KLF12: variants seen among roughly 807,000 people sequenced by gnomAD.
KLF12 encodes KLF transcription factor 12.
KLF12 carries 9 observed loss-of-function variants against 37.8 expected under a neutral mutation model. The observed-to-expected ratio is 0.24, with a 90% CI of 0.14 to 0.42. KLF12 has a LOEUF of 0.42. Ranked by LOEUF, KLF12 falls within the 10% of genes least tolerant of loss-of-function variation. The pLI is 1.00. For missense variants in KLF12, 411 were observed against 516.0 expected (o/e 0.80, Z 1.97); for synonymous variants, 208 against 202.1 (o/e 1.03, Z -0.25).
intron 6 of KLF12, among the ~76,000 whole-genome samples, chr13:73,724,125 A>T (rs11838624): frequency 2.0e-5 from 3 of 152,136 alleles, no homozygotes; most frequent in Non-Finnish European, 4.4e-5. Flanking sequence ...ACAATAGCAG[A>T]GACTTGGAAC....
intron 3 of KLF12, among the ~76,000 whole-genome samples, chr13:73,848,841 A>G (rs1000125904): frequency 3.3e-5 from 5 of 152,120 alleles, no homozygotes; most frequent in African/African-American, 1.2e-4. Context: ...TGAATTTGTA[A>G]AATCACAGAG....
the KLF12 span, among the ~76,000 whole-genome samples, chr13:74,178,782 G>A: frequency 6.6e-6 from 1 of 152,120 alleles, no homozygotes; most frequent in Admixed American, 6.5e-5. Context: ...CCCTTTGTCA[G>A]GGGGAGTTTT....
Position 73,911,599 on chromosome 13 carries a change from T to C in KLF12, c.123+32382A>G, listed in dbSNP as rs944113007. The stretch of plus-strand genomic sequence containing the variant: ...GGTTTAGAAGTTCACAGAAAGGTTC[T>C]TGAATAAATGCATATGCAGTGAATT... On this transcript the variant is annotated intron_variant, in intron 3 of 7. Coordinates refer to ENST00000377669, the MANE Select transcript of KLF12 (RefSeq NM_007249.5). Among the ~76,000 whole-genome samples the C allele has an allele frequency of 3.9e-5, 6 of 152,218 alleles. No homozygotes were observed. In the East Asian group the frequency reaches 5.8e-4, roughly 15 times the overall value.
chr13:74,272,429 C>T, the KLF12 span, among the ~76,000 whole-genome samples: 5 of 152,192 alleles, frequency 3.3e-5, no homozygotes, highest in East Asian at 1.9e-4. Context: ...ATTGAGAACC[C>T]GCAGTGCTAC....
At chr13:74,145,367 T>C in the KLF12 span, among the ~76,000 whole-genome samples, 1 of 152,234 alleles carries the variant, frequency 6.6e-6, no homozygotes, top group African/African-American at 2.4e-5. Flanking sequence ...TGATACAATT[T>C]GCTATTAGCA....
At chr13:74,139,287 C>T in the KLF12 span, among the ~76,000 whole-genome samples, 36,242 of 152,160 alleles carry the variant, frequency 0.24, 6,003 homozygotes, top group African/African-American at 0.47. Flanking sequence ...TGTAACCCCT[C>T]TCAGAACAAG....
chr13:73,894,062 A>C (rs1450570644), intron 3 of KLF12, among the ~76,000 whole-genome samples: 1 of 152,158 alleles, frequency 6.6e-6, no homozygotes, highest in Non-Finnish European at 1.5e-5. Context: ...AGTGAGAGAC[A>C]GGGGAAGATG....
the KLF12 span, among the ~76,000 whole-genome samples, chr13:74,205,172 A>G: frequency 6.6e-6 from 1 of 152,146 alleles, no homozygotes; most frequent in Non-Finnish European, 1.5e-5. Context: ...AAATTCCCTA[A>G]GGACATAGAC....
At chr13:74,170,742 T>C in the KLF12 span, among the ~76,000 whole-genome samples, 1 of 152,222 alleles carries the variant, frequency 6.6e-6, no homozygotes, top group African/African-American at 2.4e-5. Flanking sequence ...AATAAATGAA[T>C]GAATAATTTG....
the KLF12 span, among the ~76,000 whole-genome samples, chr13:74,277,410 T>A: frequency 6.6e-6 from 1 of 152,178 alleles, no homozygotes; most frequent in East Asian, 1.9e-4. Context: ...AATCTCTTTA[T>A]GTCTTCCCTG....
intron 3 of KLF12, among the ~76,000 whole-genome samples, chr13:73,934,042 A>G (rs1194350778): frequency 6.6e-6 from 1 of 152,142 alleles, no homozygotes; most frequent in Non-Finnish European, 1.5e-5. Context: ...CTACTGTCGA[A>G]GATTTTGACT....
chr13:73,813,969 G>T (rs2138442521), intron 4 of KLF12, among the ~76,000 whole-genome samples: 1 of 152,288 alleles, frequency 6.6e-6, no homozygotes. Flanking sequence ...TGCCAAAGCA[G>T]GAAACGGCAC....
chr13:74,227,414 G>T, the KLF12 span, among the ~76,000 whole-genome samples: 1 of 152,170 alleles, frequency 6.6e-6, no homozygotes, highest in African/African-American at 2.4e-5. Context: ...ATTGAATCAT[G>T]CAGCCTCTTA....
intron 1 of KLF12, among the ~76,000 whole-genome samples, chr13:74,016,313 C>A (rs1054216628): frequency 1.3e-5 from 2 of 151,934 alleles, no homozygotes; most frequent in Admixed American, 1.3e-4. Flanking sequence ...GGCAAAAAGA[C>A]AATGTGAAGA....
chr13:73,993,790 G>C (rs1892033527), intron 2 of KLF12, among the ~76,000 whole-genome samples: 1 of 152,184 alleles, frequency 6.6e-6, no homozygotes, highest in South Asian at 2.1e-4. Flanking sequence ...AGGTGGTAAA[G>C]CCTTGAAACC....
chr13:74,068,532 G>A (rs551672000), intron 1 of KLF12, among the ~76,000 whole-genome samples: 42 of 150,552 alleles, frequency 2.8e-4, no homozygotes, highest in African/African-American at 8.0e-4. Context: ...TATTTTTTAC[G>A]TGTTATGTTC....
intron 1 of KLF12, among the ~76,000 whole-genome samples, chr13:74,005,731 T>C (rs769048454): frequency 3.9e-5 from 6 of 152,196 alleles, no homozygotes; most frequent in Admixed American, 6.5e-5. Context: ...ACAAAGGGCA[T>C]GGCACATACT....
chr13:74,052,798 T>G (rs887166992), intron 1 of KLF12, among the ~76,000 whole-genome samples: 1 of 152,172 alleles, frequency 6.6e-6, no homozygotes, highest in Non-Finnish European at 1.5e-5. Context: ...AGATGAAAAG[T>G]TGAAGGGCAA....
intron 1 of KLF12, among the ~76,000 whole-genome samples, chr13:74,064,998 C>T (rs772724751): frequency 2.6e-5 from 4 of 152,152 alleles, no homozygotes; most frequent in Non-Finnish European, 4.4e-5. Flanking sequence ...CACACATACA[C>T]ATACTTGTCT....
Sources: allele counts gnomAD v4.1 joint callset (sites outside exome capture counted in the v4.1 genomes callset), GRCh38; gene constraint gnomAD v4.1.1; transcripts MANE v1.5; gene names NCBI Gene and HGNC (gene_info 2026-07-23, HGNC 2026-07-21).